Variants in PPP1R13B observed in about 807,000 individuals in gnomAD.
PPP1R13B encodes the protein protein phosphatase 1 regulatory subunit 13B.
Under a neutral mutation model 119.8 loss-of-function variants are expected in PPP1R13B, and 44 were observed. The observed-to-expected ratio is 0.37, with a 90% CI of 0.29 to 0.47. The LOEUF is 0.47. PPP1R13B is among the 20% of genes least tolerant of loss of function. PPP1R13B has a pLI of 0.99. For synonymous variants in PPP1R13B, 542 were observed against 561.5 expected, an observed-to-expected ratio of 0.97 and a Z score of 0.49; for missense variants, 1,227 against 1,413.5, an observed-to-expected ratio of 0.87 and a Z score of 2.12.
intron 15 of PPP1R13B, 25 bp from the exon 16 acceptor site, chr14:103,736,227 G>A: frequency 6.2e-7 from 1 of 1,606,050 alleles, no homozygotes; most frequent in African/African-American, 1.3e-5. Flanking sequence ...CAATGGTCAG[G>A]CCTCAGCAGA....
At chr14:103,792,174 G>A (rs970898720) in intron 2 of PPP1R13B, among the ~76,000 whole-genome samples, 1 of 129,720 alleles carries the variant, frequency 7.7e-6, no homozygotes, top group Non-Finnish European at 1.7e-5. Flanking sequence ...TTCATCGTGT[G>A]TGTGTGTGTG....
At position 103,778,840 on chromosome 14, in the gene PPP1R13B, C is replaced by G; in HGVS notation, c.278-19G>C. 7 of 1,590,908 alleles carry G rather than the reference C, an allele frequency of 4.4e-6. No individual in the cohort carries two copies. Among genetic ancestry groups the G allele is most frequent in the Non-Finnish European group, 6.0e-6 (7 of 1,159,764 alleles). Reference sequence around the variant, plus strand: ...CGGCCACCTAAAGAAATAAAAGAACCAAACTCACCAAAAGGCGTATTAGAA... The same window carrying G: ...CGGCCACCTAAAGAAATAAAAGAACGAAACTCACCAAAAGGCGTATTAGAA... On this transcript the variant is annotated intron_variant, in intron 3 of 16. Coordinates refer to ENST00000202556, the MANE Select transcript of PPP1R13B (RefSeq NM_015316.3).
chr14:103,761,046 C>T (rs182457681), intron 4 of PPP1R13B, among the ~76,000 whole-genome samples: 4 of 152,144 alleles, frequency 2.6e-5, no homozygotes, highest in East Asian at 3.9e-4. Flanking sequence ...TGATGGCTCA[C>T]GGCTATAATC....
chr14:103,773,758 G>A (rs1183950457), intron 4 of PPP1R13B, among the ~76,000 whole-genome samples: 1 of 152,140 alleles, frequency 6.6e-6, no homozygotes, highest in Non-Finnish European at 1.5e-5. Context: ...TGAAAATAAG[G>A]CAGACTGAGT....
At chr14:103,811,094 C>CAAAAAAAAAAAAAAAAAAAAAAAAAAAA (rs36017203) in intron 1 of PPP1R13B, among the ~76,000 whole-genome samples, 1 of 65,844 alleles carries the variant, frequency 1.5e-5, no homozygotes, top group Non-Finnish European at 2.8e-5. Flanking sequence ...GACTCCTCCT[C>CAAAAAAAAAAAAAAAAAAAAAAAAAAAA]AAAAAAAAAA....
chr14:103,780,205 G>A (rs945959623), intron 3 of PPP1R13B, among the ~76,000 whole-genome samples: 10 of 151,626 alleles, frequency 6.6e-5, no homozygotes, highest in Admixed American at 6.6e-4. Context: ...GCATTTTAGG[G>A]CCAGGCATGG....
intron 1 of PPP1R13B, among the ~76,000 whole-genome samples, chr14:103,804,409 G>C (rs1383365799): frequency 6.6e-6 from 1 of 152,116 alleles, no homozygotes; most frequent in Non-Finnish European, 1.5e-5. Context: ...AACACAAATT[G>C]AGGATGTATA....
At chr14:103,848,566 A>G, upstream of PPP1R13B, 1 of 895,862 alleles carries the variant, frequency 1.1e-6, no homozygotes, top group Non-Finnish European at 1.3e-6. Flanking sequence ...TCCCACGGGC[A>G]TCAGAAGGCA....
upstream of PPP1R13B, chr14:103,848,472 G>A: frequency 1.0e-6 from 1 of 985,456 alleles, no homozygotes; most frequent in Middle Eastern, 5.2e-4. Context: ...CACCCGCTCG[G>A]GGCCCCCCAC....
upstream of PPP1R13B, chr14:103,848,207 C>T: frequency 1.2e-5 from 12 of 979,906 alleles, no homozygotes; most frequent in Non-Finnish European, 1.5e-5. Flanking sequence ...GCTCCCGAGC[C>T]TTGGCCTTCG....
At position 103,847,540 on chromosome 14, in the gene PPP1R13B, ACCTCAG is replaced by A. The variant is rs1001254062; in HGVS notation, c.-239_-234del. On this transcript the variant is annotated 5_prime_UTR_variant, in exon 1 of 17. Coordinates refer to ENST00000202556, the MANE Select transcript of PPP1R13B (RefSeq NM_015316.3). ...CCCGGCCGCCGCCGCCGCCGCCTCAACCTCAGCCTCAGCCTCAGCCCCAGCCCGACA... is the reference window on the plus strand; with the variant it reads ...CCCGGCCGCCGCCGCCGCCGCCTCAACCTCAGCCTCAGCCCCAGCCCGACA... The A allele has an allele frequency of 1.2e-4, 122 of 984,456 alleles. No individual in the cohort carries two copies. The highest frequency in any genetic ancestry group is 1.3e-4 in the Non-Finnish European group (106 of 830,886). 61.0% of individuals were successfully genotyped at this position (984,456 alleles called of 1,614,324 possible). A position where few individuals can be genotyped will look rare whatever the true frequency, so the allele number is the denominator to read the frequency against.
chr14:103,734,831 T>G lies in PPP1R13B; in HGVS notation c.*323A>C, dbSNP rs971475562. The G allele has an allele frequency of 2.1e-6, 1 of 471,514 alleles. No homozygotes were observed. Among genetic ancestry groups the G allele is most frequent in the Admixed American group, 2.5e-5 (1 of 40,596 alleles). The allele number at this position is 471,514 out of a possible 1,614,324, so 29.2% of individuals were successfully genotyped here. ...CCTCGGGGCCAAGTCAGTAAGAGCT[T>G]CTGTCTTCACTGGCAACCAACCGGG... On this transcript the variant is annotated 3_prime_UTR_variant, in exon 17 of 17. Transcript: ENST00000202556.
chr14:103,829,391 T>C (rs368482620), intron 1 of PPP1R13B, among the ~76,000 whole-genome samples: 6 of 152,338 alleles, frequency 3.9e-5, no homozygotes, highest in South Asian at 2.1e-4. Context: ...CTTTGAACTA[T>C]AGTGAATCAA....
In PPP1R13B at chr14:103,738,608, G is replaced by A; in HGVS notation, c.2864+71C>T. The A allele has an allele frequency of 6.3e-7, 1 of 1,591,536 alleles. No homozygotes were observed. The highest frequency in any genetic ancestry group is 8.6e-7 in the Non-Finnish European group (1 of 1,164,520). On this transcript the variant is annotated intron_variant, in intron 14 of 16. Coordinates refer to ENST00000202556, the MANE Select transcript of PPP1R13B (RefSeq NM_015316.3). This position sits in a 1 kb window ranked among gnomAD's most constrained non-coding sequence, Gnocchi z 5.6. Reference sequence around the variant, plus strand: ...CTCTTCCGTGCTTCCTAATTGTCTAGAACACGCCTGTTTTCCTTATGCAAA... The same window carrying A: ...CTCTTCCGTGCTTCCTAATTGTCTAAAACACGCCTGTTTTCCTTATGCAAA...
chr14:103,832,946 C>A (rs1275598936), intron 1 of PPP1R13B, among the ~76,000 whole-genome samples: 2 of 151,554 alleles, frequency 1.3e-5, no homozygotes, highest in Non-Finnish European at 1.5e-5. Context: ...CGTGCCACTG[C>A]ACTCCAGCCT....
rs751638213 is a variant in PPP1R13B, at chr14:103,787,650, ATT to A, written c.158-2738_158-2737del. ...AAACACAGTGAGACTTAATTGCTAC[ATT>A]TTTTTTTTTTTTTTTTTTGAGACAG... On this transcript the variant is annotated intron_variant, in intron 2 of 16. Coordinates refer to ENST00000202556, the MANE Select transcript of PPP1R13B (RefSeq NM_015316.3). Among the ~76,000 whole-genome samples, 493 of 113,566 alleles carry A rather than the reference ATT, an allele frequency of 4.3e-3. 1 individual carries two copies. Among genetic ancestry groups the A allele is most frequent in the African/African-American group, 0.014 (400 of 29,028 alleles). The allele number at this position is 113,566 out of a possible 152,430, so 74.5% of individuals were successfully genotyped here.
intron 1 of PPP1R13B, among the ~76,000 whole-genome samples, chr14:103,843,135 G>A (rs989275773): frequency 3.9e-5 from 6 of 152,164 alleles, no homozygotes; most frequent in African/African-American, 1.4e-4. Context: ...ACTTTGGGAA[G>A]TTGAGGTGGG....
chr14:103,743,123 G>GCAC (rs2084301210), intron 9 of PPP1R13B, among the ~76,000 whole-genome samples: 1 of 152,216 alleles, frequency 6.6e-6, no homozygotes, highest in African/African-American at 2.4e-5. Flanking sequence ...GCCTGGGGCT[G>GCAC]CACCCTATTT....
intron 9 of PPP1R13B, among the ~76,000 whole-genome samples, chr14:103,743,428 C>G (rs1282307374): frequency 1.3e-5 from 2 of 152,206 alleles, no homozygotes; most frequent in Non-Finnish European, 1.5e-5. Flanking sequence ...CCCAAGTTTT[C>G]AGGAAAGCCA....
Sources: gnomAD v4.1 joint callset for allele counts (sites outside exome capture counted in the v4.1 genomes callset) on GRCh38, gnomAD v4.1.1 for gene constraint, Gnocchi (gnomAD v3.1) non-coding constraint, MANE v1.5 for transcripts, NCBI Gene and HGNC (gene_info 2026-07-23, HGNC 2026-07-21) for gene names.